The following EHMT1 variants were observed in gnomAD, a reference collection of about 807,000 sequenced individuals.
EHMT1 encodes the protein euchromatic histone lysine methyltransferase 1.
In EHMT1, 15 loss-of-function variants were observed where a neutral mutation model predicts 147.2. That is an observed-to-expected ratio of 0.10 (90% CI 0.07 to 0.16). The LOEUF (loss-of-function observed/expected upper bound fraction) is 0.16, where lower values mean the gene tolerates loss of function less well. EHMT1 is among the 10% of genes least tolerant of loss of function. The probability of loss-of-function intolerance (pLI) is 1.00; values close to 1 mark genes in which losing one functional copy is unlikely to be tolerated. For missense variants in EHMT1, 1,587 were observed against 1,772.4 expected, an observed-to-expected ratio of 0.90 and a Z score of 1.88; for synonymous variants, 795 against 709.6, an observed-to-expected ratio of 1.12 and a Z score of -1.91.
chr9:137,757,768 A>G, intron 8 of EHMT1, 112 bp from the exon 9 acceptor site: 1 of 1,510,690 alleles, frequency 6.6e-7, no homozygotes, highest in Non-Finnish European at 9.1e-7. Flanking sequence ...TTTTGAATGG[A>G]TTAATTAGAA....
chr9:137,824,643 GTT>G (rs1251316920), intron 25 of EHMT1, among the ~76,000 whole-genome samples: 1 of 152,162 alleles, frequency 6.6e-6, no homozygotes, highest in Non-Finnish European at 1.5e-5. Context: ...CTGTCTTTGA[GTT>G]TGATATTGAG....
At chr9:137,810,861 G>C (rs546485015) in intron 18 of EHMT1, among the ~76,000 whole-genome samples, 48 of 152,016 alleles carry the variant, frequency 3.2e-4, no homozygotes, top group Non-Finnish European at 5.3e-4. Flanking sequence ...CACCACGCCC[G>C]GCTCATTTTT....
In EHMT1 at chr9:137,669,733, A is replaced by T. The variant is rs191792689; in HGVS notation, c.22-41234A>T. Among the ~76,000 whole-genome samples the T allele has an allele frequency of 3.6e-3, 545 of 149,654 alleles. 3 individuals carry two copies. The highest frequency in any genetic ancestry group is 0.014 in the East Asian group (72 of 5,020). On this transcript the variant is annotated intron_variant, in intron 1 of 26. Transcript: ENST00000460843. Reference sequence around the variant, plus strand: ...TTGCTTTTGTTTTTTCTCTTTTTTTAAAAAAAAATTAATCTCCTTATGTTG... The same window carrying T: ...TTGCTTTTGTTTTTTCTCTTTTTTTTAAAAAAAATTAATCTCCTTATGTTG...
At chr9:137,763,195 G>T (rs1949970903) in intron 10 of EHMT1, 2 of 403,326 alleles carry the variant, frequency 5.0e-6, no homozygotes, top group Non-Finnish European at 9.1e-6. Flanking sequence ...GTGGTTTCCT[G>T]CAGGGCAGGC....
intron 1 of EHMT1, among the ~76,000 whole-genome samples, chr9:137,650,689 G>A (rs1392774406): frequency 1.7e-5 from 2 of 120,190 alleles, no homozygotes; most frequent in African/African-American, 6.5e-5. Flanking sequence ...TTTTTTTTGA[G>A]ACAGTTGCAC....
At chr9:137,744,719 C>T (rs1048426131) in intron 6 of EHMT1, among the ~76,000 whole-genome samples, 6 of 152,240 alleles carry the variant, frequency 3.9e-5, no homozygotes, top group Admixed American at 2.0e-4. Context: ...GTTGGCTTTG[C>T]GTGGCCTGCC....
intron 1 of EHMT1, among the ~76,000 whole-genome samples, chr9:137,636,304 T>G (rs1246339738): frequency 6.6e-6 from 1 of 152,228 alleles, no homozygotes; most frequent in African/African-American, 2.4e-5. Context: ...TTGCTGAATT[T>G]TTTTTGGTGT....
intron 1 of EHMT1, among the ~76,000 whole-genome samples, chr9:137,680,035 G>C (rs1941786479): frequency 6.6e-6 from 1 of 152,134 alleles, no homozygotes; most frequent in African/African-American, 2.4e-5. Context: ...GATGTGAAAT[G>C]CCTCTACGTT....
At chr9:137,752,473 C>T in intron 7 of EHMT1, 65 bp downstream of exon 7, 1 of 1,561,350 alleles carries the variant, frequency 6.4e-7, no homozygotes, top group South Asian at 1.2e-5. Context: ...CACCAGCGTC[C>T]TTCAGTTCTT....
At chr9:137,635,577 T>C (rs545459874) in intron 1 of EHMT1, among the ~76,000 whole-genome samples, 1 of 150,740 alleles carries the variant, frequency 6.6e-6, no homozygotes, top group Non-Finnish European at 1.5e-5. Flanking sequence ...TCCCAGCACT[T>C]TGGGAGGCCG....
At chr9:137,694,380 G>C (rs952420574) in intron 1 of EHMT1, among the ~76,000 whole-genome samples, 1 of 150,306 alleles carries the variant, frequency 6.7e-6, no homozygotes, top group Non-Finnish European at 1.5e-5. Context: ...GACTCTGGCC[G>C]ATACCCCCCA....
chr9:137,823,116 TG>T lies in EHMT1; in HGVS notation c.3540+4979del, dbSNP rs1390097924. On this transcript the variant is annotated intron_variant, in intron 25 of 26. Coordinates refer to ENST00000460843, the MANE Select transcript of EHMT1 (RefSeq NM_024757.5). Reference sequence around the variant, plus strand: ...TGGCTAATTGTTTTTTTTTTTTTTTTGAGACGGAGTCTCACTCTGTCGCCCA... The same window carrying T: ...TGGCTAATTGTTTTTTTTTTTTTTTTAGACGGAGTCTCACTCTGTCGCCCA... Among the ~76,000 whole-genome samples, 8 of 146,202 alleles carry T rather than the reference TG, an allele frequency of 5.5e-5. No homozygotes were observed. The East Asian group carries it at 8.3e-4, about 15-fold the overall frequency.
In EHMT1 at chr9:137,697,488, C is replaced by T. The variant is rs111969537; in HGVS notation, c.22-13479C>T. Among the ~76,000 whole-genome samples, 26 of 152,290 alleles carry T rather than the reference C, an allele frequency of 1.7e-4. 1 individual carries two copies. The highest frequency in any genetic ancestry group is 6.0e-4 in the African/African-American group (25 of 41,548). ...AGGGTCATACAGTTTACCTAGCATA[C>T]TGTTTGAAGATTTTTTTGAAGCGGT... On this transcript the variant is annotated intron_variant, in intron 1 of 26. Transcript: ENST00000460843.
intron 1 of EHMT1, among the ~76,000 whole-genome samples, chr9:137,669,469 C>T (rs1247939980): frequency 2.6e-3 from 362 of 140,378 alleles, no homozygotes; most frequent in Admixed American, 4.1e-3. Flanking sequence ...CCACCCAAGA[C>T]GCCCCCCACA....
At chr9:137,757,163 G>A (rs909850666) in intron 8 of EHMT1, among the ~76,000 whole-genome samples, 5 of 152,372 alleles carry the variant, frequency 3.3e-5, no homozygotes, top group Admixed American at 3.3e-4. Context: ...CTCCTGGGAA[G>A]TGTGGACAGG....
chr9:137,662,321 C>T (rs1245794977), intron 1 of EHMT1, among the ~76,000 whole-genome samples: 1 of 151,996 alleles, frequency 6.6e-6, no homozygotes, highest in Non-Finnish European at 1.5e-5. Flanking sequence ...CCTCAGCTTC[C>T]TGAGTAGCTG....
chr9:137,792,165 C>A (rs1001503953), intron 16 of EHMT1: 3 of 462,738 alleles, frequency 6.5e-6, no homozygotes, highest in South Asian at 3.1e-5. Flanking sequence ...TCAAAACTTA[C>A]TATATACGGC....
intron 1 of EHMT1, among the ~76,000 whole-genome samples, chr9:137,681,941 GTGTTTTTTTGTTTGTTTGTT>G (rs1941982488): frequency 6.6e-6 from 1 of 151,888 alleles, no homozygotes. Flanking sequence ...CGCGGTTTTT[GTGTTTTTTTGTTTGTTTGTT>G]TGTTTTTTTG....
chr9:137,826,062 A>G (rs1397832585), intron 25 of EHMT1, among the ~76,000 whole-genome samples: 3 of 145,814 alleles, frequency 2.1e-5, no homozygotes, highest in Admixed American at 7.3e-5. Context: ...TCTGATTTAT[A>G]TGCTATTGTT....
Sources: gnomAD v4.1 joint callset for allele counts (sites outside exome capture counted in the v4.1 genomes callset) on GRCh38, gnomAD v4.1.1 for gene constraint, MANE v1.5 for transcripts, NCBI Gene and HGNC (gene_info 2026-07-23, HGNC 2026-07-21) for gene names.